The following TPTE variants were observed in gnomAD, a reference collection of about 807,000 sequenced individuals.
TPTE encodes putative tyrosine-protein phosphatase TPTE.
A neutral mutation model predicts 84.1 loss-of-function variants in TPTE; 59 were observed. The ratio of observed to expected loss-of-function variants is 0.70; its 90% CI spans 0.57 to 0.87. The LOEUF is 0.87. TPTE is among the 40% of genes least tolerant of loss of function. The pLI is 0.00. For missense variants in TPTE, 382 were observed against 659.6 expected (o/e 0.58, Z 4.61); for synonymous variants, 130 against 223.5 (o/e 0.58, Z 3.73).
chr21:10,558,349 A>G (rs1382529266), intron 8 of TPTE, among the ~76,000 whole-genome samples: 1 of 152,312 alleles, frequency 6.6e-6, no homozygotes, highest in Non-Finnish European at 1.5e-5. Context: ...CAGTGATTGA[A>G]CTAATTTACA....
chr21:10,584,337 C>CTTTTTTTTTTTTTTTTTTTTTTTTTTT (rs58211728), intron 17 of TPTE, among the ~76,000 whole-genome samples: 1 of 143,786 alleles, frequency 7.0e-6, no homozygotes, highest in African/African-American at 2.5e-5. Flanking sequence ...CCTAAACTCA[C>CTTTTTTTTTTTTTTTTTTTTTTTTTTT]TTTTTTTTTT....
intron 8 of TPTE, among the ~76,000 whole-genome samples, chr21:10,558,401 C>G: frequency 6.6e-6 from 1 of 152,312 alleles, no homozygotes; most frequent in Non-Finnish European, 1.5e-5. Flanking sequence ...TCTCTGCAAC[C>G]TTGCCCGCAT....
In TPTE at chr21:10,527,157, T is replaced by TACACACA. The variant is rs1568949541; in HGVS notation, c.-101-198_-101-197insACACACA. On this transcript the variant is annotated intron_variant, in intron 2 of 23. Coordinates refer to ENST00000618007, the MANE Select transcript of TPTE (RefSeq NM_199261.4). ...CCCTCTCTCTCTCTCTCTCTCTCTCTCACACACACACACAGACACACACAC... is the reference window on the plus strand; with the variant it reads ...CCCTCTCTCTCTCTCTCTCTCTCTCTACACACACACACACACACACAGACACACACAC... Among the ~76,000 whole-genome samples, 3 of 150,402 alleles carry TACACACA rather than the reference T, an allele frequency of 2.0e-5. No homozygotes were observed. The East Asian group carries it at 5.8e-4, about 29-fold the overall frequency.
At chr21:10,521,939 C>T (rs187950604) in intron 1 of TPTE, among the ~76,000 whole-genome samples, 2,146 of 151,888 alleles carry the variant, frequency 0.014, no homozygotes, top group East Asian at 0.069. Context: ...CCGTCCCCTC[C>T]TCTCCGCGCC....
intron 4 of TPTE, among the ~76,000 whole-genome samples, chr21:10,539,868 G>A (rs1600867357): frequency 6.6e-6 from 1 of 152,300 alleles, no homozygotes; most frequent in South Asian, 2.1e-4. Context: ...AATTAACCGG[G>A]TGTGGTGGCA....
intron 2 of TPTE, among the ~76,000 whole-genome samples, chr21:10,525,027 CA>C (rs1187150007): frequency 2.0e-5 from 3 of 152,306 alleles, no homozygotes; most frequent in African/African-American, 4.8e-5. Context: ...ATCTTTCCTA[CA>C]GGGGCAGCTG....
At chr21:10,548,360 A>G (rs1365679600) in intron 7 of TPTE, among the ~76,000 whole-genome samples, 3 of 152,426 alleles carry the variant, frequency 2.0e-5, no homozygotes, top group Admixed American at 6.5e-5. Flanking sequence ...CAGCAGATGC[A>G]CCTCCAGACC....
In TPTE at chr21:10,524,569, C is replaced by T. The variant is rs1473738936; in HGVS notation, c.-210-11C>T. The T allele has an allele frequency of 6.6e-6, 1 of 152,456 alleles. No homozygotes were observed. Among genetic ancestry groups the T allele is most frequent in the Non-Finnish European group, 1.5e-5 (1 of 68,148 alleles). 9.4% of individuals were successfully genotyped at this position (152,456 alleles called of 1,614,324 possible). ...TGCTAACAGGATCTTGATTAAATTTCTCCCTCTTAGAGAATGTTGGACCGA... is the reference window on the plus strand; with the variant it reads ...TGCTAACAGGATCTTGATTAAATTTTTCCCTCTTAGAGAATGTTGGACCGA... On this transcript the variant is annotated splice_polypyrimidine_tract_variant and intron_variant, in intron 1 of 23. Coordinates refer to ENST00000618007, the MANE Select transcript of TPTE (RefSeq NM_199261.4).
intron 17 of TPTE, among the ~76,000 whole-genome samples, chr21:10,585,502 G>A (rs2075348121): frequency 6.6e-6 from 1 of 152,312 alleles, no homozygotes; most frequent in Non-Finnish European, 1.5e-5. Context: ...TTATTAAATT[G>A]CCGGATTCTG....
chr21:10,548,817 T>C (rs2074519931), intron 7 of TPTE, among the ~76,000 whole-genome samples: 1 of 152,310 alleles, frequency 6.6e-6, no homozygotes, highest in East Asian at 1.9e-4. Flanking sequence ...CTGGAGTGCA[T>C]GCTTCCAGGC....
intron 2 of TPTE, among the ~76,000 whole-genome samples, chr21:10,525,364 C>T (rs1196537421): frequency 6.6e-6 from 1 of 152,310 alleles, no homozygotes; most frequent in Non-Finnish European, 1.5e-5. Context: ...AGACGACACC[C>T]AAGGCTTGAT....
At chr21:10,594,796 A>G (rs1371007901) in intron 19 of TPTE, among the ~76,000 whole-genome samples, 3 of 152,310 alleles carry the variant, frequency 2.0e-5, no homozygotes, top group African/African-American at 7.2e-5. Flanking sequence ...CACGTTTGAG[A>G]GCTGTGTTGG....
rs752114951 is a variant in TPTE, at chr21:10,541,143, A to AT, written c.45dup (p.Glu16Ter). The stretch of plus-strand genomic sequence containing the variant: ...TCCGACTGACCTGGCGGGAGTCATC[A>AT]TTGAGCTCGGCCCCAATGACAGGTG... On this transcript the variant is annotated frameshift_variant, in exon 5 of 24. Coordinates refer to ENST00000618007, the MANE Select transcript of TPTE (RefSeq NM_199261.4). LOFTEE classifies it high-confidence loss of function. The AT allele has an allele frequency of 5.6e-6, 9 of 1,613,354 alleles. No homozygotes were observed. The South Asian group carries it at 9.9e-5, about 18-fold the overall frequency.
At chr21:10,549,409 C>A (rs1450953057) in intron 7 of TPTE, among the ~76,000 whole-genome samples, 3 of 152,292 alleles carry the variant, frequency 2.0e-5, no homozygotes, top group Non-Finnish European at 4.4e-5. Context: ...AAAGAATAAT[C>A]TTAAGGAAAC....
intron 2 of TPTE, among the ~76,000 whole-genome samples, 198 bp from the exon 3 acceptor site, chr21:10,527,157 T>TCA (rs58743171): frequency 0.014 from 2,102 of 148,598 alleles, no homozygotes; most frequent in South Asian, 0.031. Flanking sequence ...TCTCTCTCTC[T>TCA]CACACACACA....
chr21:10,535,464 T>C (rs543421443), intron 3 of TPTE, among the ~76,000 whole-genome samples: 8 of 152,420 alleles, frequency 5.2e-5, no homozygotes, highest in African/African-American at 1.9e-4. Context: ...GTCTAAATCT[T>C]CTCACTGTAG....
chr21:10,528,995 G>A (rs1238308690), intron 3 of TPTE, among the ~76,000 whole-genome samples: 53 of 152,278 alleles, frequency 3.5e-4, no homozygotes, highest in Admixed American at 3.5e-3. Context: ...GACCAGCCTG[G>A]CCATATGGTA....
At chr21:10,586,764 G>T (rs1437314111) in intron 17 of TPTE, among the ~76,000 whole-genome samples, 1 of 152,310 alleles carries the variant, frequency 6.6e-6, no homozygotes, top group Non-Finnish European at 1.5e-5. Flanking sequence ...TGTTGAGCCT[G>T]CATCTAGAAA....
intron 17 of TPTE, among the ~76,000 whole-genome samples, chr21:10,580,249 T>C (rs2092748): frequency 1.6e-3 from 250 of 151,916 alleles, no homozygotes; most frequent in African/African-American, 5.4e-3. Flanking sequence ...TTTTAAAAAA[T>C]CTGTTAACCT....
Sources: gnomAD v4.1 joint callset for allele counts (sites outside exome capture counted in the v4.1 genomes callset) on GRCh38, gnomAD v4.1.1 for gene constraint, MANE v1.5 for transcripts, NCBI Gene and HGNC (gene_info 2026-07-23, HGNC 2026-07-21) for gene names.